Variants in ZNF253 observed in about 807,000 individuals in gnomAD.
ZNF253 encodes zinc finger protein 253, also known as DNA-binding protein.
A neutral mutation model predicts 11.9 loss-of-function variants in ZNF253; 8 were observed. The observed-to-expected ratio is 0.67, with a 90% CI of 0.40 to 1.22. The LOEUF (loss-of-function observed/expected upper bound fraction) is 1.22. ZNF253 is among the 50% of genes most tolerant of loss of function. The probability of loss-of-function intolerance (pLI) is 0.01; values close to 1 mark genes in which losing one functional copy is unlikely to be tolerated. For synonymous variants in ZNF253, 194 were observed against 194.9 expected, an observed-to-expected ratio of 1.00 and a Z score of 0.04; for missense variants, 485 against 586.9, an observed-to-expected ratio of 0.83 and a Z score of 1.79.
At position 19,893,518 on chromosome 19, in the gene ZNF253, G is replaced by A. The variant is rs1217807164; in HGVS notation, c.*771G>A. On this transcript the variant is annotated 3_prime_UTR_variant, in exon 4 of 4. Transcript: ENST00000589717. ...TCATACATGATTGTAGGTGATAGAA[G>A]TCATACTGCCAAAACTCCTGTAAGT... 2 of 152,104 alleles carry A rather than the reference G, an allele frequency of 1.3e-5. No homozygotes were observed. The highest frequency in any genetic ancestry group is 4.8e-5 in the African/African-American group (2 of 41,418). 9.4% of individuals were successfully genotyped at this position (152,104 alleles called of 1,614,324 possible).
intron 3 of ZNF253, among the ~76,000 whole-genome samples, chr19:19,889,229 TTTG>T (rs1197033852): frequency 6.6e-6 from 1 of 152,050 alleles, no homozygotes; most frequent in East Asian, 1.9e-4. Context: ...ATCCATAATT[TTTG>T]TTTTTTTCTA....
At chr19:19,887,137 C>G (rs2063209366) in intron 3 of ZNF253, among the ~76,000 whole-genome samples, 1 of 151,672 alleles carries the variant, frequency 6.6e-6, no homozygotes. Flanking sequence ...GACCACATCA[C>G]TCAATTGTGG....
At chr19:19,880,315 G>C (rs1266622735) in intron 3 of ZNF253, among the ~76,000 whole-genome samples, 169 bp downstream of exon 3, 1 of 128,168 alleles carries the variant, frequency 7.8e-6, no homozygotes, top group East Asian at 2.3e-4. Flanking sequence ...GGCATCTTCT[G>C]TCTTATGCTT....
intron 3 of ZNF253, among the ~76,000 whole-genome samples, chr19:19,890,399 G>A (rs1386992144): frequency 6.6e-6 from 1 of 151,994 alleles, no homozygotes; most frequent in African/African-American, 2.4e-5. Flanking sequence ...GGAGACATTA[G>A]CCGGTGTCTA....
chr19:19,886,138 A>T (rs7249318), intron 3 of ZNF253, among the ~76,000 whole-genome samples: 11,960 of 152,148 alleles, frequency 0.079, 1,106 homozygotes, highest in African/African-American at 0.23. Context: ...GATTACAGAC[A>T]TGCACTACCA....
chr19:19,875,572 T>C (rs1369989476), intron 1 of ZNF253, among the ~76,000 whole-genome samples: 1 of 152,108 alleles, frequency 6.6e-6, no homozygotes, highest in Non-Finnish European at 1.5e-5. Flanking sequence ...ATTTTTTGTA[T>C]TTTTAGTAGA....
In ZNF253 at chr19:19,892,568, A is replaced by G; in HGVS notation, c.1321A>G (p.Thr441Ala). ...KSFTASSTLT[T>A]HKRIHTGEKP... ...CTTTACTGCATCCTCAACTCTAACT[A>G]CACATAAGAGAATTCATACTGGAGA... The change falls in exon 4 of 4, where the codon ACA (threonine) becomes GCA (alanine). Residue 441 changes from threonine to alanine, a missense_variant. By Grantham distance (58) the Thr-to-Ala change is moderately conservative (BLOSUM62 0). Transcript: ENST00000589717. The G allele has an allele frequency of 6.2e-7, 1 of 1,613,368 alleles. No individual in the cohort carries two copies. Among genetic ancestry groups the G allele is most frequent in the Non-Finnish European group, 8.5e-7 (1 of 1,179,744 alleles).
In ZNF253 at chr19:19,891,692, T is replaced by C. The variant is rs1016313241; in HGVS notation, c.445T>C (p.Tyr149His). 1 of 1,613,976 alleles carries C rather than the reference T, an allele frequency of 6.2e-7. No homozygotes were observed. The highest frequency in any genetic ancestry group is 1.3e-5 in the African/African-American group (1 of 74,938). ...TQKEIFQCDK[Y>H]GKVFHKFSNS... The stretch of plus-strand genomic sequence containing the variant: ...GAAAGAAATATTTCAATGTGATAAA[T>C]ATGGAAAAGTCTTTCATAAGTTTTC... Residue 149 changes from tyrosine to histidine, a missense_variant, in exon 4 of 4, where the codon TAT becomes CAT. By Grantham distance (83) the Tyr-to-His change is moderately conservative. Around this residue, in one of 3 missense-constraint regions of ZNF253, gnomAD observed 218 missense variants for 213.1 expected, o/e 1.02. Coordinates refer to ENST00000589717, the MANE Select transcript of ZNF253 (RefSeq NM_021047.3).
At position 19,881,986 on chromosome 19, in the gene ZNF253, C is replaced by T. The variant is rs533836019; in HGVS notation, c.226+1840C>T. ...GGTGGATCACCTGAGGTCAGGAGTT[C>T]GAGACAAGCCTGACCAATATGATGA... On this transcript the variant is annotated intron_variant, in intron 3 of 3. Transcript: ENST00000589717. 4.6e-5 allele frequency among the ~76,000 whole-genome samples: 7 copies of T among 151,996 alleles called. No homozygotes were observed. The South Asian group carries it at 8.3e-4, about 18-fold the overall frequency.
intron 3 of ZNF253, among the ~76,000 whole-genome samples, chr19:19,887,769 ATTTTT>A (rs3062903): frequency 2.4e-5 from 3 of 124,398 alleles, no homozygotes; most frequent in Non-Finnish European, 5.0e-5. Context: ...TTGATTTTTA[ATTTTT>A]TTTTTTTTTT....
At chr19:19,885,795 C>T (rs74566193) in intron 3 of ZNF253, among the ~76,000 whole-genome samples, 6,259 of 151,978 alleles carry the variant, frequency 0.041, 203 homozygotes, top group Non-Finnish European at 0.065. Context: ...TTTATTTTAT[C>T]AGTGTTGATA....
chr19:19,879,148 G>A (rs1234680712), intron 2 of ZNF253, among the ~76,000 whole-genome samples: 1 of 152,068 alleles, frequency 6.6e-6, no homozygotes, highest in Non-Finnish European at 1.5e-5. Flanking sequence ...CTACATGCTT[G>A]AGTAAGGTGG....
chr19:19,878,750 A>G, intron 2 of ZNF253, 143 bp downstream of exon 2: 1 of 789,306 alleles, frequency 1.3e-6, no homozygotes, highest in Non-Finnish European at 1.8e-6. Context: ...TATTTTATTT[A>G]TATTTCTGTA....
intron 3 of ZNF253, among the ~76,000 whole-genome samples, chr19:19,885,964 C>G (rs999355795): frequency 6.6e-6 from 1 of 152,138 alleles, no homozygotes; most frequent in Non-Finnish European, 1.5e-5. Flanking sequence ...TTAGAAAACA[C>G]ACAGTGTATA....
intron 1 of ZNF253, among the ~76,000 whole-genome samples, chr19:19,877,016 A>C (rs2063158580): frequency 6.6e-6 from 1 of 152,106 alleles, no homozygotes; most frequent in African/African-American, 2.4e-5. Flanking sequence ...TTGAACATGG[A>C]AAGACGTGGA....
At chr19:19,886,544 A>G (rs1343579928) in intron 3 of ZNF253, among the ~76,000 whole-genome samples, 1 of 152,200 alleles carries the variant, frequency 6.6e-6, no homozygotes, top group East Asian at 1.9e-4. Context: ...GGCTTGGTAT[A>G]TCCTCTTGGT....
At chr19:19,890,603 A>G (rs2063224827) in intron 3 of ZNF253, among the ~76,000 whole-genome samples, 1 of 147,930 alleles carries the variant, frequency 6.8e-6, no homozygotes, top group African/African-American at 2.5e-5. Context: ...GCTCACTACA[A>G]TCTCCGTCTC....
In ZNF253 at chr19:19,892,005, A is replaced by G; in HGVS notation, c.758A>G (p.Glu253Gly). 1.2e-6 allele frequency: 2 copies of G among 1,613,814 alleles called. No individual in the cohort carries two copies. The highest frequency in any genetic ancestry group is 1.7e-6 in the Non-Finnish European group (2 of 1,179,978). ...ACACATAAGAAAATTCATACTGGAGAGAAACCCTACAAATGTGAAGAATGT... is the reference window on the plus strand; with the variant it reads ...ACACATAAGAAAATTCATACTGGAGGGAAACCCTACAAATGTGAAGAATGT... The part of the protein sequence containing the change: ...LTTHKKIHTG[E>G]KPYKCEECGK... The change falls in exon 4 of 4, where the codon GAG becomes GGG. Residue 253 changes from glutamate to glycine, a missense_variant. Coordinates refer to ENST00000589717, the MANE Select transcript of ZNF253 (RefSeq NM_021047.3).
At position 19,880,110 on chromosome 19, in the gene ZNF253, A is replaced by G; in HGVS notation, c.190A>G (p.Thr64Ala). The stretch of plus-strand genomic sequence containing the variant: ...TCTGGAGCAAGGAAAAAAACCTTTA[A>G]CTATGGAAAGACATGAGATGATTGC... ...TCLEQGKKPL[T>A]MERHEMIAKP... The change falls in exon 3 of 4, where the codon ACT becomes GCT. Residue 64 changes from threonine to alanine, a missense_variant. Thr to Ala is a moderately conservative substitution (Grantham distance 58). Coordinates refer to ENST00000589717, the MANE Select transcript of ZNF253 (RefSeq NM_021047.3). 1 of 1,609,606 alleles carries G rather than the reference A, an allele frequency of 6.2e-7. No individual in the cohort carries two copies. The highest frequency in any genetic ancestry group is 8.5e-7 in the Non-Finnish European group (1 of 1,177,874).
Sources: allele counts gnomAD v4.1 joint callset (sites outside exome capture counted in the v4.1 genomes callset), GRCh38; gene constraint gnomAD v4.1.1; regional missense constraint gnomAD v4.1.1; transcripts MANE v1.5; gene names NCBI Gene and HGNC (gene_info 2026-07-23, HGNC 2026-07-21).